Variants in TADA2A observed in about 807,000 individuals in gnomAD.
TADA2A encodes transcriptional adapter 2-alpha.
In TADA2A, 38 loss-of-function variants were observed where a neutral mutation model predicts 67.4. The observed-to-expected ratio is 0.56, with a 90% CI of 0.44 to 0.74. The LOEUF is 0.74. TADA2A is among the 30% of genes least tolerant of loss of function. TADA2A has a pLI of 0.00. For missense variants in TADA2A, 454 were observed against 547.0 expected (o/e 0.83, Z 1.70); for synonymous variants, 192 against 181.6 (o/e 1.06, Z -0.46).
At chr17:37,433,105 T>C (rs2147948903) in intron 4 of TADA2A, among the ~76,000 whole-genome samples, 1 of 152,018 alleles carries the variant, frequency 6.6e-6, no homozygotes. Context: ...TAATTATTTT[T>C]TAAATTTTCT....
intron 10 of TADA2A, 135 bp from the exon 11 acceptor site, chr17:37,465,296 T>C: frequency 1.5e-6 from 1 of 650,688 alleles, no homozygotes; most frequent in Non-Finnish European, 2.7e-6. Context: ...GTTTGCTTCC[T>C]GTCATGGATA....
intron 3 of TADA2A, 22 bp downstream of exon 3, chr17:37,423,637 C>A: frequency 1.3e-6 from 2 of 1,550,830 alleles, no homozygotes; most frequent in Non-Finnish European, 1.8e-6. Context: ...ATGCTGGCTT[C>A]TCCTAGCCTA....
At position 37,467,979 on chromosome 17, in the gene TADA2A, G is replaced by A. The variant is rs116489605; in HGVS notation, c.895+454G>A. ...CACGTTTAATCCCAACTACTCGGGA[G>A]GCTGAGGCACAAGAATCGCTTGAAC... On this transcript the variant is annotated intron_variant, in intron 12 of 15. Transcript: ENST00000615182. Among the ~76,000 whole-genome samples, 966 of 152,168 alleles carry A rather than the reference G, an allele frequency of 6.3e-3. 2 individuals carry two copies. The highest frequency in any genetic ancestry group is 0.022 in the African/African-American group (900 of 41,528).
At chr17:37,455,625 C>T (rs1222799245) in intron 8 of TADA2A, among the ~76,000 whole-genome samples, 1 of 152,164 alleles carries the variant, frequency 6.6e-6, no homozygotes, top group African/African-American at 2.4e-5. Flanking sequence ...TTGTGACCCA[C>T]CTGCCTCGGC....
In TADA2A at chr17:37,477,007, G is replaced by A. The variant is rs1311767662; in HGVS notation, c.*25G>A. 8.2e-6 allele frequency: 13 copies of A among 1,583,828 alleles called. No individual in the cohort carries two copies. Among genetic ancestry groups the A allele is most frequent in the Non-Finnish European group, 1.1e-5 (13 of 1,160,520 alleles). ...AGGCTCCAAGAGCTTGGGATCAGAA[G>A]TCAGAAGTTTGGAATGTGGTGGGTC... On this transcript the variant is annotated 3_prime_UTR_variant, in exon 16 of 16. Coordinates refer to ENST00000615182, the MANE Select transcript of TADA2A (RefSeq NM_001166105.3).
At chr17:37,462,924 T>C (rs563590271) in intron 10 of TADA2A, among the ~76,000 whole-genome samples, 9 of 152,164 alleles carry the variant, frequency 5.9e-5, no homozygotes, top group Admixed American at 1.3e-4. Flanking sequence ...AAAATACATA[T>C]AGTGATTTTT....
intron 12 of TADA2A, among the ~76,000 whole-genome samples, chr17:37,469,694 G>C (rs912016033): frequency 6.9e-6 from 1 of 144,804 alleles, no homozygotes; most frequent in Non-Finnish European, 1.5e-5. Flanking sequence ...TATGTGTAGA[G>C]CCCAGGACCC....
rs186639444 is a variant in TADA2A, at chr17:37,411,732, C to T, written c.25+342C>T. 7.5e-3 allele frequency among the ~76,000 whole-genome samples: 1,137 copies of T among 151,642 alleles called. 6 individuals are homozygous for T. Among genetic ancestry groups the T allele is most frequent in the African/African-American group, 0.026 (1,064 of 41,404 alleles). On this transcript the variant is annotated intron_variant, in intron 2 of 15. Coordinates refer to ENST00000615182, the MANE Select transcript of TADA2A (RefSeq NM_001166105.3). ...GGTGTGAGCCACCACTCCCGGCCTT[C>T]AGGTGACTATTAATAGCAAACTAGA...
At chr17:37,410,318 A>G (rs1384775458) in intron 1 of TADA2A, among the ~76,000 whole-genome samples, 3 of 149,880 alleles carry the variant, frequency 2.0e-5, no homozygotes, top group African/African-American at 7.3e-5. Flanking sequence ...AACCATAAGC[A>G]TGGGCCACTG....
intron 4 of TADA2A, among the ~76,000 whole-genome samples, chr17:37,428,870 C>G (rs866111791): frequency 9.9e-5 from 15 of 152,026 alleles, no homozygotes; most frequent in African/African-American, 3.4e-4. Context: ...CATGGTGAAA[C>G]CCCATCTCTA....
chr17:37,474,530 A>G lies in TADA2A; in HGVS notation c.1073-26A>G, dbSNP rs183228309. 1.0e-3 allele frequency: 1,630 copies of G among 1,609,174 alleles called. 1 individual carries two copies. Among genetic ancestry groups the G allele is most frequent in the Admixed American group, 1.3e-3 (80 of 59,680 alleles). ...AGAAATTGTCACTCCTATTAAATCTATGCTGTTTCCTTTCTCTGTCTATAG... is the reference window on the plus strand; with the variant it reads ...AGAAATTGTCACTCCTATTAAATCTGTGCTGTTTCCTTTCTCTGTCTATAG... On this transcript the variant is annotated intron_variant, in intron 14 of 15. Coordinates refer to ENST00000615182, the MANE Select transcript of TADA2A (RefSeq NM_001166105.3).
intron 13 of TADA2A, 114 bp from the exon 14 acceptor site, chr17:37,470,980 C>A (rs2053774773): frequency 1.0e-6 from 1 of 966,164 alleles, no homozygotes; most frequent in Non-Finnish European, 1.7e-6. Flanking sequence ...CAGTCTATCT[C>A]ATTACACTTC....
chr17:37,440,400 G>GTATAT, intron 5 of TADA2A, 105 bp from the exon 6 acceptor site: 1 of 1,269,602 alleles, frequency 7.9e-7, no homozygotes, highest in African/African-American at 1.5e-5. Context: ...AAATATGAGA[G>GTATAT]TATATTATAT....
intron 8 of TADA2A, among the ~76,000 whole-genome samples, chr17:37,445,498 T>G (rs981111607): frequency 1.3e-5 from 2 of 152,174 alleles, no homozygotes; most frequent in Non-Finnish European, 2.9e-5. Flanking sequence ...ACTCCTAACC[T>G]CAAGTGATCT....
intron 8 of TADA2A, among the ~76,000 whole-genome samples, chr17:37,445,004 G>C (rs932699986): frequency 2.0e-5 from 3 of 151,816 alleles, no homozygotes; most frequent in African/African-American, 7.3e-5. Flanking sequence ...CTGTTGGACT[G>C]TGTGATTTTA....
chr17:37,431,073 G>A (rs551868687), intron 4 of TADA2A, among the ~76,000 whole-genome samples: 2 of 151,898 alleles, frequency 1.3e-5, no homozygotes, highest in South Asian at 4.2e-4. Context: ...TTAACAAAAG[G>A]TATAACAAGT....
At chr17:37,461,453 C>G (rs1024300855) in intron 9 of TADA2A, among the ~76,000 whole-genome samples, 3 of 152,188 alleles carry the variant, frequency 2.0e-5, no homozygotes, top group African/African-American at 7.2e-5. Flanking sequence ...GTTATGAATA[C>G]CTCTGGTATA....
chr17:37,450,878 A>G (rs2053213469), intron 8 of TADA2A, among the ~76,000 whole-genome samples: 1 of 152,210 alleles, frequency 6.6e-6, no homozygotes, highest in South Asian at 2.1e-4. Flanking sequence ...AGCTTCAAAT[A>G]TGAATTTTTA....
chr17:37,444,706 A>G lies in TADA2A; in HGVS notation c.542A>G (p.Asn181Ser), dbSNP rs771278100. ...TGTTCCCCTAAACAGGAATTTGACA[A>G]TTATGCAGAATGGGACTTGAGAGAC... is the stretch of plus-strand genomic sequence containing the variant. ...ARADFIEEFD[N>S]YAEWDLRDID... Residue 181 changes from asparagine to serine, a missense_variant, in exon 8 of 16, where the codon AAT (asparagine) becomes AGT (serine). Asn to Ser is a conservative substitution (Grantham distance 46, BLOSUM62 1). Transcript: ENST00000615182. 5 of 1,614,004 alleles carry G rather than the reference A, an allele frequency of 3.1e-6. No individual in the cohort carries two copies. The highest frequency in any genetic ancestry group is 1.1e-5 in the South Asian group (1 of 91,022).
Sources: gnomAD v4.1 joint callset for allele counts (sites outside exome capture counted in the v4.1 genomes callset) on GRCh38, gnomAD v4.1.1 for gene constraint, MANE v1.5 for transcripts, NCBI Gene and HGNC (gene_info 2026-07-23, HGNC 2026-07-21) for gene names.